Variants in ADAMTS19 observed in about 807,000 individuals in gnomAD.
ADAMTS19 encodes ADAM metallopeptidase with thrombospondin type 1 motif 19, also known as A disintegrin and metalloproteinase with thrombospondin motifs 19.
A neutral mutation model predicts 153.3 loss-of-function variants in ADAMTS19; 93 were observed. The observed-to-expected ratio is 0.61, with a 90% CI of 0.51 to 0.72. ADAMTS19 has a LOEUF of 0.72. Ranked by LOEUF, ADAMTS19 falls within the 30% of genes least tolerant of loss-of-function variation. The pLI, the probability that ADAMTS19 is intolerant of heterozygous loss-of-function variation, is 0.00. For synonymous variants in ADAMTS19, 600 were observed against 556.6 expected, an observed-to-expected ratio of 1.08 and a Z score of -1.10; for missense variants, 1,482 against 1,552.1, an observed-to-expected ratio of 0.95 and a Z score of 0.76.
At chr5:129,728,282 A>C (rs1254866082) in intron 21 of ADAMTS19, among the ~76,000 whole-genome samples, 4 of 152,176 alleles carry the variant, frequency 2.6e-5, no homozygotes, top group Non-Finnish European at 5.9e-5. Flanking sequence ...CATATAATCA[A>C]GAAATAACTA....
chr5:129,665,881 C>CATATATATATATATATAT (rs3979171), intron 16 of ADAMTS19, among the ~76,000 whole-genome samples: 112 of 143,642 alleles, frequency 7.8e-4, no homozygotes, highest in African/African-American at 2.6e-3. Context: ...GATTTATATT[C>CATATATATATATATATAT]ATATATATAT....
intron 6 of ADAMTS19, among the ~76,000 whole-genome samples, chr5:129,549,787 CACATACATATATCTAT>C (rs1752998682): frequency 6.7e-6 from 1 of 149,292 alleles, no homozygotes; most frequent in African/African-American, 2.4e-5. Flanking sequence ...AACACACACA[CACATACATATATCTAT>C]ATATACATAT....
chr5:129,665,662 A>G (rs1445366701), intron 16 of ADAMTS19, 83 bp downstream of exon 16: 3 of 1,075,712 alleles, frequency 2.8e-6, no homozygotes, highest in Non-Finnish European at 4.0e-6. Flanking sequence ...GGAGGAAGTC[A>G]ATCTGTTTCT....
In ADAMTS19 at chr5:129,504,872, G is replaced by GACACAC. The variant is rs34742030; in HGVS notation, c.748-4178_748-4173dup. ...GTAGTATTCTGTCTACACACACACA[G>GACACAC]ACACACACACACACACACACACACA... On this transcript the variant is annotated intron_variant, in intron 2 of 22. Coordinates refer to ENST00000274487, the MANE Select transcript of ADAMTS19 (RefSeq NM_133638.6). Among the ~76,000 whole-genome samples the GACACAC allele has an allele frequency of 5.6e-3, 833 of 148,202 alleles. 7 individuals are homozygous for GACACAC. Among genetic ancestry groups the GACACAC allele is most frequent in the East Asian group, 0.016 (78 of 4,936 alleles).
At chr5:129,722,146 T>A (rs1757031805) in intron 21 of ADAMTS19, among the ~76,000 whole-genome samples, 1 of 152,204 alleles carries the variant, frequency 6.6e-6, no homozygotes, top group Non-Finnish European at 1.5e-5. Flanking sequence ...CAAATGGTAT[T>A]TCTGGTTCTA....
rs1190292819 is a variant in ADAMTS19 at position 129,545,724 on chromosome 5, A to C, written c.1329-6140A>C. On this transcript the variant is annotated intron_variant, in intron 6 of 22. Coordinates refer to ENST00000274487, the MANE Select transcript of ADAMTS19 (RefSeq NM_133638.6). ...CCAGTTAGAATGGCAATCATTAAAA[A>C]GTCAGGCAACAACAGGTGCTGGAGA... 4.6e-5 allele frequency among the ~76,000 whole-genome samples: 7 copies of C among 151,046 alleles called. No homozygotes were observed. The East Asian group carries it at 1.4e-3, about 29-fold the overall frequency.
At chr5:129,544,122 TA>T (rs1752762886) in intron 6 of ADAMTS19, among the ~76,000 whole-genome samples, 1 of 152,184 alleles carries the variant, frequency 6.6e-6, no homozygotes, top group Non-Finnish European at 1.5e-5. Flanking sequence ...ATGTTGATAT[TA>T]AAATACTTCA....
chr5:129,660,443 G>A (rs1029574041), intron 15 of ADAMTS19, among the ~76,000 whole-genome samples: 1 of 151,868 alleles, frequency 6.6e-6, no homozygotes, highest in Non-Finnish European at 1.5e-5. Flanking sequence ...AAGCATATTA[G>A]AGTTTTTAAA....
intron 2 of ADAMTS19, among the ~76,000 whole-genome samples, chr5:129,491,382 C>G (rs1456535448): frequency 6.6e-6 from 1 of 152,088 alleles, no homozygotes; most frequent in African/African-American, 2.4e-5. Context: ...AATTAATTGT[C>G]TAATTTTACA....
intron 2 of ADAMTS19, among the ~76,000 whole-genome samples, chr5:129,491,209 A>C (rs567219505): frequency 1.1e-4 from 17 of 152,136 alleles, no homozygotes; most frequent in Admixed American, 2.6e-4. Flanking sequence ...TCACCATGTC[A>C]GCCAGGATGG....
rs1045960086 is a variant in ADAMTS19 at position 129,509,182 on chromosome 5, A to G, written c.853A>G (p.Met285Val). 5.6e-6 allele frequency: 9 copies of G among 1,612,278 alleles called. No individual in the cohort carries two copies. The highest frequency in any genetic ancestry group is 1.3e-5 in the African/African-American group (1 of 74,850). Residue 285 changes from methionine to valine, a missense_variant, in exon 3 of 23, where the codon ATG (methionine) becomes GTG (valine). Met to Val is a conservative substitution (Grantham distance 21). This residue lies in a region of ADAMTS19 where 866 missense variants were observed against 827.7 expected (regional missense o/e 1.05). Transcript: ENST00000274487. Reference sequence around the variant, plus strand: ...CCGTGTATATAGGCAGAAAAGGTCCATGGAGGAAAAGGTCACAGAGAAGTC... The same window carrying G: ...CCGTGTATATAGGCAGAAAAGGTCCGTGGAGGAAAAGGTCACAGAGAAGTC... The part of the protein sequence containing the change: ...PHRVYRQKRS[M>V]EEKVTEKSAL...
intron 15 of ADAMTS19, among the ~76,000 whole-genome samples, chr5:129,659,764 T>C (rs140904229): frequency 0.01 from 1,548 of 152,026 alleles, 19 homozygotes; most frequent in African/African-American, 0.035. Context: ...TTTAATTTTG[T>C]TTTTTGTAAA....
At chr5:129,535,605 T>C (rs1343143138) in intron 6 of ADAMTS19, among the ~76,000 whole-genome samples, 5 of 152,072 alleles carry the variant, frequency 3.3e-5, no homozygotes, top group South Asian at 2.1e-4. Flanking sequence ...CATTGCCAAG[T>C]CAATCCTAAG....
intron 17 of ADAMTS19, among the ~76,000 whole-genome samples, chr5:129,680,539 G>A (rs894983568): frequency 6.6e-6 from 1 of 151,896 alleles, no homozygotes; most frequent in Non-Finnish European, 1.5e-5. Context: ...TGGGTGGATC[G>A]CAAGGTCAGG....
intron 7 of ADAMTS19, among the ~76,000 whole-genome samples, chr5:129,577,796 T>C (rs1238493454): frequency 1.3e-5 from 2 of 152,082 alleles, no homozygotes; most frequent in East Asian, 3.9e-4. Context: ...TATATTGCCT[T>C]GATATCTTTA....
chr5:129,732,451 G>A (rs1214257177), intron 21 of ADAMTS19, among the ~76,000 whole-genome samples: 1 of 152,064 alleles, frequency 6.6e-6, no homozygotes, highest in Non-Finnish European at 1.5e-5. Context: ...AAGACTCCTA[G>A]ACTTGATAAA....
intron 16 of ADAMTS19, among the ~76,000 whole-genome samples, chr5:129,669,808 C>G (rs1754221925): frequency 6.6e-6 from 1 of 151,820 alleles, no homozygotes; most frequent in Non-Finnish European, 1.5e-5. Context: ...TTCTAATTCC[C>G]CATGTGATTT....
chr5:129,686,088 G>A (rs1320666721), intron 18 of ADAMTS19, among the ~76,000 whole-genome samples: 2 of 152,186 alleles, frequency 1.3e-5, no homozygotes, highest in African/African-American at 2.4e-5. Flanking sequence ...ATTATCTGGA[G>A]TAATAGTCTG....
At chr5:129,462,791 C>G (rs1327823049) in intron 2 of ADAMTS19, among the ~76,000 whole-genome samples, 1 of 152,066 alleles carries the variant, frequency 6.6e-6, no homozygotes, top group African/African-American at 2.4e-5. Context: ...CATAAAATAT[C>G]AAAAATGCAC....
Sources: gnomAD v4.1 joint callset for allele counts (sites outside exome capture counted in the v4.1 genomes callset) on GRCh38, gnomAD v4.1.1 for gene constraint, gnomAD v4.1.1 regional missense constraint, MANE v1.5 for transcripts, NCBI Gene and HGNC (gene_info 2026-07-23, HGNC 2026-07-21) for gene names.